Variants in DOCK2 observed in about 807,000 individuals in gnomAD.
DOCK2 encodes the protein dedicator of cytokinesis protein 2.
DOCK2 carries 87 observed loss-of-function variants against 248.9 expected under a neutral mutation model. The observed-to-expected ratio is 0.35, with a 90% CI of 0.29 to 0.42. DOCK2 has a LOEUF of 0.42. DOCK2 is among the 10% of genes least tolerant of loss of function. DOCK2 has a pLI of 1.00. For missense variants in DOCK2, 1,747 were observed against 2,300.2 expected, an observed-to-expected ratio of 0.76 and a Z score of 4.92; for synonymous variants, 805 against 821.6, an observed-to-expected ratio of 0.98 and a Z score of 0.35.
chr5:169,838,037 T>A (rs775823796), intron 26 of DOCK2, among the ~76,000 whole-genome samples: 1 of 152,074 alleles, frequency 6.6e-6, no homozygotes, highest in African/African-American at 2.4e-5. Context: ...ATAAATTTGA[T>A]GAAATTGCAA....
chr5:170,012,504 G>A (rs1308769358), intron 32 of DOCK2, among the ~76,000 whole-genome samples: 1 of 152,168 alleles, frequency 6.6e-6, no homozygotes, highest in Non-Finnish European at 1.5e-5. Flanking sequence ...TTATAAGATA[G>A]CTAATTGCAA....
At chr5:169,932,226 G>A (rs777033450) in intron 27 of DOCK2, among the ~76,000 whole-genome samples, 1 of 152,150 alleles carries the variant, frequency 6.6e-6, no homozygotes, top group Non-Finnish European at 1.5e-5. Context: ...GAGTAAGGAG[G>A]GTGGGTCCCT....
At chr5:169,929,327 A>G (rs913058683) in intron 27 of DOCK2, among the ~76,000 whole-genome samples, 4 of 152,202 alleles carry the variant, frequency 2.6e-5, no homozygotes, top group Admixed American at 6.5e-5. Context: ...TCACATGGGT[A>G]AGACTCAGAC....
chr5:169,853,227 G>A lies in DOCK2; in HGVS notation c.2799+12375G>A, dbSNP rs552059620. ...CCAAGTGGAACTGTAAGTCCAATAGGCCTCTTTGTTTTGTACATTGTCCAG... is the reference window on the plus strand; with the variant it reads ...CCAAGTGGAACTGTAAGTCCAATAGACCTCTTTGTTTTGTACATTGTCCAG... On this transcript the variant is annotated intron_variant, in intron 27 of 51. Transcript: ENST00000520908. 2.9e-3 allele frequency among the ~76,000 whole-genome samples: 445 copies of A among 152,284 alleles called. 1 individual carries two copies. The highest frequency in any genetic ancestry group is 4.0e-3 in the Non-Finnish European group (269 of 68,022).
At chr5:170,021,722 C>G (rs1331426816) in intron 33 of DOCK2, among the ~76,000 whole-genome samples, 1 of 152,118 alleles carries the variant, frequency 6.6e-6, no homozygotes, top group Non-Finnish European at 1.5e-5. Flanking sequence ...GGCAGATGCC[C>G]ATGTGAAAAC....
intron 19 of DOCK2, 78 bp downstream of exon 19, chr5:169,714,535 A>G (rs1307446626): frequency 1.4e-6 from 2 of 1,470,330 alleles, no homozygotes; most frequent in Non-Finnish European, 1.9e-6. Context: ...GGGGAAAAAC[A>G]AGGTATTGAA....
At chr5:169,996,409 G>C (rs1379941858) in intron 30 of DOCK2, among the ~76,000 whole-genome samples, 1 of 152,154 alleles carries the variant, frequency 6.6e-6, no homozygotes, top group Non-Finnish European at 1.5e-5. Context: ...TATTAACAAG[G>C]AGATTTGCAT....
chr5:169,823,854 T>C (rs1768653705), intron 26 of DOCK2, among the ~76,000 whole-genome samples: 1 of 152,212 alleles, frequency 6.6e-6, no homozygotes, highest in African/African-American at 2.4e-5. Context: ...GATGACATGA[T>C]TGTATATCTA....
At chr5:170,077,972 T>A in intron 48 of DOCK2, 135 bp downstream of exon 48, 1 of 750,400 alleles carries the variant, frequency 1.3e-6, no homozygotes, top group Non-Finnish European at 2.1e-6. Flanking sequence ...TTTTCCCATC[T>A]GCAGTCTCAC....
At chr5:170,079,979 C>T in intron 49 of DOCK2, 184 bp from the exon 50 acceptor site, 1 of 954,230 alleles carries the variant, frequency 1.0e-6, no homozygotes, top group Non-Finnish European at 1.5e-6. Context: ...GTGTAGTGTG[C>T]AACCTGTGCA....
intron 21 of DOCK2, among the ~76,000 whole-genome samples, 172 bp downstream of exon 21, chr5:169,717,656 G>T (rs1408150899): frequency 1.3e-5 from 2 of 152,200 alleles, no homozygotes; most frequent in Non-Finnish European, 2.9e-5. Flanking sequence ...TAAAAATGTG[G>T]AATACCCATA....
chr5:169,851,529 A>G (rs2113373476), intron 27 of DOCK2, among the ~76,000 whole-genome samples: 1 of 152,326 alleles, frequency 6.6e-6, no homozygotes, highest in South Asian at 2.1e-4. Flanking sequence ...GATAATGATG[A>G]TGATGTCACT....
chr5:169,762,566 T>A (rs761489707), intron 25 of DOCK2, among the ~76,000 whole-genome samples: 2 of 152,310 alleles, frequency 1.3e-5, no homozygotes, highest in South Asian at 2.1e-4. Context: ...ATCCTCTACC[T>A]CATCTCTAGG....
chr5:169,783,814 A>G (rs550950237), intron 25 of DOCK2, among the ~76,000 whole-genome samples: 114 of 152,332 alleles, frequency 7.5e-4, no homozygotes, highest in African/African-American at 2.6e-3. Flanking sequence ...AACCTGCTTA[A>G]ATGTGCCAGT....
intron 27 of DOCK2, among the ~76,000 whole-genome samples, chr5:169,922,020 T>A (rs938214005): frequency 2.0e-5 from 3 of 152,218 alleles, no homozygotes; most frequent in Non-Finnish European, 4.4e-5. Context: ...GGGCAAATAT[T>A]ATTTTAAGAG....
intron 27 of DOCK2, among the ~76,000 whole-genome samples, chr5:169,940,635 G>C (rs929797227): frequency 1.3e-5 from 2 of 152,162 alleles, no homozygotes; most frequent in Non-Finnish European, 2.9e-5. Context: ...TTCTCATAAG[G>C]AGCACGCAAC....
chr5:169,732,282 A>G (rs561988110), intron 22 of DOCK2, among the ~76,000 whole-genome samples: 1 of 152,226 alleles, frequency 6.6e-6, no homozygotes, highest in South Asian at 2.1e-4. Flanking sequence ...GCTCACTAAC[A>G]CAGAACTCTT....
intron 42 of DOCK2, 139 bp downstream of exon 42, chr5:170,055,525 T>C (rs1757095603): frequency 1.3e-6 from 1 of 756,338 alleles, no homozygotes; most frequent in Admixed American, 2.3e-5. Context: ...CCTTTTCCTC[T>C]TGGGCAAAGA....
At chr5:169,702,212 GCTT>G in intron 13 of DOCK2, 88 bp from the exon 14 acceptor site, 17 of 1,483,408 alleles carry the variant, frequency 1.1e-5, no homozygotes, top group East Asian at 4.8e-5. Context: ...AGGTGGGAGA[GCTT>G]CTTCTCACCC....
Sources: allele counts gnomAD v4.1 joint callset (sites outside exome capture counted in the v4.1 genomes callset), GRCh38; gene constraint gnomAD v4.1.1; transcripts MANE v1.5; gene names NCBI Gene and HGNC (gene_info 2026-07-23, HGNC 2026-07-21).